ITGA1: variants seen among roughly 807,000 people sequenced by gnomAD.
ITGA1 encodes integrin alpha-1.
In ITGA1, 85 loss-of-function variants were observed where a neutral mutation model predicts 145.9. That is an observed-to-expected ratio of 0.58 (90% confidence interval 0.49 to 0.70). The LOEUF (loss-of-function observed/expected upper bound fraction) is 0.70. Ranked by LOEUF, ITGA1 falls within the 30% of genes least tolerant of loss-of-function variation. The pLI, the probability that ITGA1 is intolerant of heterozygous loss-of-function variation, is 0.00. For synonymous variants in ITGA1, 520 were observed against 495.3 expected (o/e 1.05, Z -0.66); for missense variants, 1,351 against 1,418.7 (o/e 0.95, Z 0.77).
intron 1 of ITGA1, chr5:52,800,367 G>A (rs1179308951): frequency 6.2e-7 from 1 of 1,612,822 alleles, no homozygotes; most frequent in Non-Finnish European, 8.5e-7. Flanking sequence ...GGTTCCTTTG[G>A]TTCTGTCAGT....
chr5:52,910,066 T>G, intron 13 of ITGA1, 96 bp from the exon 14 acceptor site: 1 of 1,167,400 alleles, frequency 8.6e-7, no homozygotes, highest in Non-Finnish European at 1.2e-6. Context: ...AATGTACAAA[T>G]GGCTGTTAAT....
chr5:52,878,697 T>G (rs920189849), intron 6 of ITGA1, among the ~76,000 whole-genome samples: 2 of 152,168 alleles, frequency 1.3e-5, no homozygotes, highest in Non-Finnish European at 2.9e-5. Flanking sequence ...AAAAAATAGT[T>G]GTAGTGTTTG....
At chr5:52,949,438 T>C (rs1386838352) in intron 28 of ITGA1, among the ~76,000 whole-genome samples, 1 of 152,170 alleles carries the variant, frequency 6.6e-6, no homozygotes, top group Non-Finnish European at 1.5e-5. Flanking sequence ...TCTGGTGTCC[T>C]TGCAACAATC....
Position 52,887,952 on chromosome 5 carries a change from G to A in ITGA1, c.911G>A (p.Arg304Gln), listed in dbSNP as rs201172852. 6.2e-7 allele frequency: 1 copy of A among 1,613,174 alleles called. No homozygotes were observed. The highest frequency in any genetic ancestry group is 8.5e-7 in the Non-Finnish European group (1 of 1,179,410). ...IQDCEDENIQ[R>Q]FSIAILGSYN... Reference sequence around the variant, plus strand: ...GACTGTGAAGATGAAAACATTCAACGGTTTTCCATAGCTGTAAGTGTGTTG... The same window carrying A: ...GACTGTGAAGATGAAAACATTCAACAGTTTTCCATAGCTGTAAGTGTGTTG... The change falls in exon 8 of 29, where the codon CGG becomes CAG. Residue 304 changes from arginine (R) to glutamine (Q), a missense_variant. Transcript: ENST00000282588.
intron 24 of ITGA1, among the ~76,000 whole-genome samples, chr5:52,937,934 A>G (rs1006081175): frequency 1.3e-5 from 2 of 151,144 alleles, no homozygotes; most frequent in East Asian, 2.0e-4. Flanking sequence ...CTGTGTTTCT[A>G]TGTGTTCTCC....
rs760799369 is a variant in ITGA1 at position 52,874,206 on chromosome 5, C to T, written c.625-7667C>T. On this transcript the variant is annotated intron_variant, in intron 6 of 28. Transcript: ENST00000282588. ...GGAGAAACAGGAATGGAAGCAGCCA[C>T]GTGCAAAAAGACCAAACACAAGAGG... 7.2e-5 allele frequency among the ~76,000 whole-genome samples: 11 copies of T among 152,242 alleles called. No individual in the cohort carries two copies. The South Asian group carries it at 8.3e-4, about 11-fold the overall frequency.
chr5:52,840,037 G>A (rs1749228112), intron 1 of ITGA1, among the ~76,000 whole-genome samples: 1 of 151,970 alleles, frequency 6.6e-6, no homozygotes, highest in South Asian at 2.1e-4. Context: ...AAAGCTAGTA[G>A]GTAAATTAAA....
intron 11 of ITGA1, chr5:52,901,788 T>G (rs117121172): frequency 6.6e-6 from 1 of 152,346 alleles, no homozygotes; most frequent in East Asian, 1.9e-4. Context: ...ACAGTATTTA[T>G]AATATATGAC....
In ITGA1 at chr5:52,918,876, A is replaced by G. The variant is rs2111869544; in HGVS notation, c.2133A>G (p.Lys711=). Residue 711 remains lysine, a synonymous_variant, in exon 16 of 29, where the codon AAA becomes AAG. Coordinates refer to ENST00000282588, the MANE Select transcript of ITGA1 (RefSeq NM_181501.2). ...TVCFDVKLKS[K]EDTIYEADLQ... ...GTTTTGATGTGAAATTAAAGTCTAA[A>G]GAAGACACGATTTATGAAGCTGGTA... 2 of 1,598,372 alleles carry G rather than the reference A, an allele frequency of 1.3e-6. No homozygotes were observed. The highest frequency in any genetic ancestry group is 1.7e-4 in the Middle Eastern group (1 of 5,900).
Position 52,927,708 on chromosome 5 carries a change from A to G in ITGA1, c.2694+44A>G, listed in dbSNP as rs1219035161. 2.4e-6 allele frequency: 3 copies of G among 1,250,156 alleles called. No homozygotes were observed. The South Asian group carries it at 3.7e-5, about 16-fold the overall frequency. 77.4% of individuals were successfully genotyped at this position (1,250,156 alleles called of 1,614,324 possible). On this transcript the variant is annotated intron_variant, in intron 20 of 28. Transcript: ENST00000282588. ...ATACATGTAGAAATTGAATATGAAA[A>G]GTAATATGTGCAAAGACAAATATAT... is the stretch of plus-strand genomic sequence containing the variant.
Position 52,812,789 on chromosome 5 carries a change from CTTTTTTTTTT to C in ITGA1, c.61+24394_61+24403del, listed in dbSNP as rs61600951. The stretch of plus-strand genomic sequence containing the variant: ...AAGTTCATTTTGTTCCTTCTTATCG[CTTTTTTTTTT>C]TTTTTTTTTTTTTTTTTTGCCAAAT... On this transcript the variant is annotated intron_variant, in intron 1 of 28. Transcript: ENST00000282588. Among the ~76,000 whole-genome samples the C allele has an allele frequency of 8.2e-3, 705 of 86,170 alleles. 14 individuals carry two copies. Among genetic ancestry groups the C allele is most frequent in the African/African-American group, 0.025 (497 of 20,154 alleles). 56.5% of individuals were successfully genotyped at this position (86,170 alleles called of 152,430 possible). A position where few individuals can be genotyped will look rare whatever the true frequency, so the allele number is the denominator to read the frequency against.
At chr5:52,814,424 A>G (rs1748733532) in intron 1 of ITGA1, among the ~76,000 whole-genome samples, 1 of 152,098 alleles carries the variant, frequency 6.6e-6, no homozygotes, top group Non-Finnish European at 1.5e-5. Flanking sequence ...AGGTGTGAGC[A>G]CTGTGCGAGC....
intron 28 of ITGA1, among the ~76,000 whole-genome samples, chr5:52,947,685 A>G (rs1459901394): frequency 2.0e-5 from 3 of 152,210 alleles, no homozygotes; most frequent in Non-Finnish European, 4.4e-5. Flanking sequence ...TAAGTTAGAA[A>G]TAGTCAAAAA....
At chr5:52,848,927 A>G (rs1273764459) in intron 1 of ITGA1, among the ~76,000 whole-genome samples, 1 of 152,156 alleles carries the variant, frequency 6.6e-6, no homozygotes, top group African/African-American at 2.4e-5. Flanking sequence ...TTATGGCTGC[A>G]TAGTATTCCA....
chr5:52,886,354 C>A (rs1406863427), intron 7 of ITGA1, among the ~76,000 whole-genome samples: 1 of 152,210 alleles, frequency 6.6e-6, no homozygotes, highest in East Asian at 1.9e-4. Flanking sequence ...CCCCATTTCA[C>A]CAGAATCCTC....
intron 1 of ITGA1, among the ~76,000 whole-genome samples, chr5:52,828,067 C>T (rs1748997731): frequency 6.6e-6 from 1 of 152,176 alleles, no homozygotes; most frequent in African/African-American, 2.4e-5. Context: ...ACATTTGAGT[C>T]ATTTCCACCT....
intron 1 of ITGA1, among the ~76,000 whole-genome samples, chr5:52,789,810 T>C (rs1011049348): frequency 6.6e-6 from 1 of 152,190 alleles, no homozygotes; most frequent in Admixed American, 6.5e-5. Context: ...TTCTACCAAA[T>C]AAGCAGTCTC....
chr5:52,958,079 TA>T lies in ITGA1; in HGVS notation c.*5629del, dbSNP rs1254749553. Reference sequence around the variant, plus strand: ...ATCCTCACCCTTGTTTTTTAAGAGGTAGAGAGAGATTACTGGGAAGCAGTGA... The same window carrying T: ...ATCCTCACCCTTGTTTTTTAAGAGGTGAGAGAGATTACTGGGAAGCAGTGA... On this transcript the variant is annotated 3_prime_UTR_variant, in exon 29 of 29. Coordinates refer to ENST00000282588, the MANE Select transcript of ITGA1 (RefSeq NM_181501.2). 6.6e-6 allele frequency: 1 copy of T among 152,016 alleles called. No homozygotes were observed. The highest frequency in any genetic ancestry group is 2.4e-5 in the African/African-American group (1 of 41,380). 9.4% of individuals were successfully genotyped at this position (152,016 alleles called of 1,614,324 possible).
intron 24 of ITGA1, among the ~76,000 whole-genome samples, chr5:52,937,887 A>G (rs1409318335): frequency 6.6e-6 from 1 of 152,072 alleles, no homozygotes; most frequent in African/African-American, 2.4e-5. Flanking sequence ...GCGGCAGCAT[A>G]GCTCCTATCT....
Sources: gnomAD v4.1 joint callset for allele counts (sites outside exome capture counted in the v4.1 genomes callset) on GRCh38, gnomAD v4.1.1 for gene constraint, MANE v1.5 for transcripts, NCBI Gene and HGNC (gene_info 2026-07-23, HGNC 2026-07-21) for gene names.